Variants in ADORA2B observed in about 807,000 individuals in gnomAD.
ADORA2B encodes adenosine receptor A2b.
ADORA2B carries 18 observed loss-of-function variants against 20.8 expected under a neutral mutation model. That is an observed-to-expected ratio of 0.87 (90% CI 0.60 to 1.29). The LOEUF is 1.29. Among genes scored for constraint, ADORA2B ranks in the 50% most tolerant of loss-of-function variants. The pLI is 0.00. For synonymous variants in ADORA2B, 179 were observed against 178.3 expected (o/e 1.00, Z -0.03); for missense variants, 441 against 422.7 (o/e 1.04, Z -0.38).
rs187234870 is a variant in ADORA2B, at chr17:15,946,111, C to G, written c.335+528C>G. 1.7e-4 allele frequency among the ~76,000 whole-genome samples: 26 copies of G among 152,338 alleles called. No homozygotes were observed. The East Asian group carries it at 5.0e-3, about 29-fold the overall frequency. Reference sequence around the variant, plus strand: ...CATTCGCACCGTCAGAATGGACACGCATGAGCCAGCTTCAGAACGTGTCTG... The same window carrying G: ...CATTCGCACCGTCAGAATGGACACGGATGAGCCAGCTTCAGAACGTGTCTG... On this transcript the variant is annotated intron_variant, in intron 1 of 1. Coordinates refer to ENST00000304222, the MANE Select transcript of ADORA2B (RefSeq NM_000676.4).
chr17:15,869,736 A>T, the ADORA2B span, among the ~76,000 whole-genome samples: 1 of 152,196 alleles, frequency 6.6e-6, no homozygotes, highest in Non-Finnish European at 1.5e-5. Flanking sequence ...TCAGTTAGTT[A>T]TTCCTAAACT....
At chr17:15,908,569 C>A in the ADORA2B span, 1 of 190,448 alleles carries the variant, frequency 5.3e-6, no homozygotes, top group Non-Finnish European at 1.2e-5. Flanking sequence ...TGAACACAGA[C>A]CGGCCTGACT....
chr17:15,895,098 T>C, the ADORA2B span, among the ~76,000 whole-genome samples: 2 of 152,170 alleles, frequency 1.3e-5, no homozygotes, highest in African/African-American at 4.8e-5. Flanking sequence ...AGTATTTTTC[T>C]ATGAAGGCCT....
the ADORA2B span, among the ~76,000 whole-genome samples, chr17:15,864,623 G>A: frequency 1.3e-5 from 2 of 152,254 alleles, no homozygotes; most frequent in African/African-American, 4.8e-5. Flanking sequence ...GGGCAGGGTA[G>A]AGAACGTGAG....
At position 15,974,706 on chromosome 17, in the gene ADORA2B, A is replaced by C; in HGVS notation, c.363A>C (p.Arg121=). ...ATAAAAGTTTGGTCACGGGGACCCG[A>C]GCAAGAGGGGTCATTGCTGTCCTCT... ...LRYKSLVTGT[R]ARGVIAVLWV... Residue 121 remains arginine (R), a synonymous_variant, in exon 2 of 2, where the codon CGA becomes CGC. Coordinates refer to ENST00000304222, the MANE Select transcript of ADORA2B (RefSeq NM_000676.4). 7 of 1,613,984 alleles carry C rather than the reference A, an allele frequency of 4.3e-6. No individual in the cohort carries two copies. The highest frequency in any genetic ancestry group is 5.9e-6 in the Non-Finnish European group (7 of 1,179,912).
rs533849377 is a variant in ADORA2B, at chr17:15,967,897, A to G, written c.336-6782A>G. Among the ~76,000 whole-genome samples, 23 of 152,262 alleles carry G rather than the reference A, an allele frequency of 1.5e-4. No individual in the cohort carries two copies. In the Middle Eastern group the frequency reaches 0.024, roughly 158 times the overall value. On this transcript the variant is annotated intron_variant, in intron 1 of 1. Coordinates refer to ENST00000304222, the MANE Select transcript of ADORA2B (RefSeq NM_000676.4). ...ACTGGGTGGCAGTGTGAGTGGACGAAAAGGCATGATTCAGACTGACAGGCT... is the reference window on the plus strand; with the variant it reads ...ACTGGGTGGCAGTGTGAGTGGACGAGAAGGCATGATTCAGACTGACAGGCT...
At chr17:15,859,820 A>G in the ADORA2B span, among the ~76,000 whole-genome samples, 1 of 152,238 alleles carries the variant, frequency 6.6e-6, no homozygotes, top group East Asian at 1.9e-4. Context: ...TGGAGGATTC[A>G]GTCTATTTCA....
At chr17:15,915,052 G>A in the ADORA2B span, among the ~76,000 whole-genome samples, 135 of 152,266 alleles carry the variant, frequency 8.9e-4, 1 homozygote, top group Middle Eastern at 3.4e-3. Flanking sequence ...ACAGTCCTGG[G>A]GTTCAGAAGT....
chr17:15,972,037 C>T (rs957380430), intron 1 of ADORA2B, among the ~76,000 whole-genome samples: 1 of 152,126 alleles, frequency 6.6e-6, no homozygotes, highest in African/African-American at 2.4e-5. Flanking sequence ...GCTGACATTC[C>T]AGTTGAGGGA....
chr17:15,884,257 G>A, the ADORA2B span, among the ~76,000 whole-genome samples: 11 of 152,342 alleles, frequency 7.2e-5, no homozygotes, highest in East Asian at 1.9e-4. Flanking sequence ...GCAGGGCAGC[G>A]CTGTCCTGTA....
At chr17:15,949,544 C>T (rs1969868051) in intron 1 of ADORA2B, among the ~76,000 whole-genome samples, 4 of 152,026 alleles carry the variant, frequency 2.6e-5, no homozygotes, top group Admixed American at 2.6e-4. Context: ...CTATAATTCC[C>T]GTCCCATAAA....
At chr17:15,876,581 C>T in the ADORA2B span, among the ~76,000 whole-genome samples, 1 of 151,514 alleles carries the variant, frequency 6.6e-6, no homozygotes, top group African/African-American at 2.4e-5. Flanking sequence ...CTCCCTTTAC[C>T]CTGGTCCCCT....
the ADORA2B span, among the ~76,000 whole-genome samples, chr17:15,915,464 G>A: frequency 4.6e-5 from 7 of 152,104 alleles, no homozygotes; most frequent in African/African-American, 1.7e-4. Flanking sequence ...TATTCTGCCT[G>A]CCATAGTCAT....
the ADORA2B span, among the ~76,000 whole-genome samples, chr17:15,889,821 C>A: frequency 2.3e-5 from 3 of 129,548 alleles, no homozygotes; most frequent in African/African-American, 9.9e-5. Context: ...TCACTTGAAC[C>A]TGGGAGGTAG....
chr17:15,910,895 C>T, the ADORA2B span, among the ~76,000 whole-genome samples: 2 of 152,184 alleles, frequency 1.3e-5, no homozygotes, highest in African/African-American at 4.8e-5. Context: ...GAGACTCTGC[C>T]CTGGCTCTGC....
intron 1 of ADORA2B, among the ~76,000 whole-genome samples, chr17:15,948,677 G>A (rs1160407350): frequency 6.6e-6 from 1 of 152,316 alleles, no homozygotes; most frequent in African/African-American, 2.4e-5. Flanking sequence ...TTTTCCTAGT[G>A]GAGCTGAAAG....
the ADORA2B span, among the ~76,000 whole-genome samples, chr17:15,880,866 A>G: frequency 6.6e-6 from 1 of 152,356 alleles, no homozygotes; most frequent in South Asian, 2.1e-4. Context: ...GATAACTGGA[A>G]ACCCTTCATC....
chr17:15,900,135 C>CA, the ADORA2B span, among the ~76,000 whole-genome samples: 1 of 152,104 alleles, frequency 6.6e-6, no homozygotes, highest in African/African-American at 2.4e-5. Context: ...CAGCCAAACA[C>CA]ATTTTCTTTA....
intron 1 of ADORA2B, among the ~76,000 whole-genome samples, chr17:15,964,849 CAGG>C (rs1444931192): frequency 6.6e-6 from 1 of 151,878 alleles, no homozygotes; most frequent in Non-Finnish European, 1.5e-5. Flanking sequence ...ATCACGAGGT[CAGG>C]AGATCGAGAC....
Sources: gnomAD v4.1 joint callset for allele counts (sites outside exome capture counted in the v4.1 genomes callset) on GRCh38, gnomAD v4.1.1 for gene constraint, MANE v1.5 for transcripts, NCBI Gene and HGNC (gene_info 2026-07-23, HGNC 2026-07-21) for gene names.